Variants in PCCA observed in about 807,000 individuals in gnomAD.
The protein encoded by PCCA is propionyl-CoA carboxylase subunit alpha.
A neutral mutation model predicts 101.3 loss-of-function variants in PCCA; 74 were observed. The observed-to-expected ratio is 0.73, with a 90% confidence interval of 0.61 to 0.89. PCCA has a LOEUF of 0.89. Ranked by LOEUF, PCCA falls within the 40% of genes least tolerant of loss-of-function variation. The probability of loss-of-function intolerance (pLI) is 0.00; values close to 1 mark genes in which losing one functional copy is unlikely to be tolerated. For missense variants in PCCA, 891 were observed against 907.0 expected, an observed-to-expected ratio of 0.98 and a Z score of 0.23; for synonymous variants, 294 against 313.6, an observed-to-expected ratio of 0.94 and a Z score of 0.66.
intron 6 of PCCA, among the ~76,000 whole-genome samples, chr13:100,173,538 T>G (rs189669748): frequency 2.0e-5 from 3 of 152,328 alleles, no homozygotes; most frequent in Admixed American, 2.0e-4. Context: ...TAGACAAGTG[T>G]ATTTATCCTC....
intron 7 of PCCA, among the ~76,000 whole-genome samples, chr13:100,214,375 C>A (rs1406229250): frequency 1.3e-5 from 2 of 151,092 alleles, no homozygotes; most frequent in East Asian, 3.9e-4. Context: ...TCTTTTGTGT[C>A]CTTTTCAATT....
At chr13:100,326,577 C>T (rs1057189884) in intron 16 of PCCA, among the ~76,000 whole-genome samples, 5 of 152,108 alleles carry the variant, frequency 3.3e-5, no homozygotes, top group Admixed American at 6.6e-5. Context: ...AAAGTATATT[C>T]ATAAAGTTAT....
intron 4 of PCCA, among the ~76,000 whole-genome samples, chr13:100,143,422 C>G (rs2052135084): frequency 6.6e-6 from 1 of 151,514 alleles, no homozygotes; most frequent in South Asian, 2.1e-4. Flanking sequence ...GTAGTCCCAG[C>G]TACTTGGGAG....
chr13:100,218,262 G>T (rs2059628410), intron 7 of PCCA, among the ~76,000 whole-genome samples: 1 of 151,722 alleles, frequency 6.6e-6, no homozygotes, highest in Non-Finnish European at 1.5e-5. Flanking sequence ...TGCAACCTCT[G>T]CTGAGTTCAA....
At chr13:100,477,882 C>T (rs759564821) in intron 21 of PCCA, among the ~76,000 whole-genome samples, 2 of 152,210 alleles carry the variant, frequency 1.3e-5, no homozygotes, top group Non-Finnish European at 2.9e-5. Context: ...TTGAATGCAG[C>T]CCTTCTTGTC....
chr13:100,436,874 A>G (rs1413350115), intron 20 of PCCA, among the ~76,000 whole-genome samples: 1 of 152,080 alleles, frequency 6.6e-6, no homozygotes, highest in African/African-American at 2.4e-5. Flanking sequence ...CGAAATCCAT[A>G]CTCCATTAGT....
intron 1 of PCCA, among the ~76,000 whole-genome samples, chr13:100,099,864 AC>A (rs2047119705): frequency 6.6e-6 from 1 of 152,270 alleles, no homozygotes; most frequent in East Asian, 1.9e-4. Context: ...TCCCCAGTGT[AC>A]AAATGAAGAA....
intron 19 of PCCA, among the ~76,000 whole-genome samples, chr13:100,416,188 TG>T (rs1378909923): frequency 2.2e-4 from 34 of 151,374 alleles, no homozygotes; most frequent in African/African-American, 8.0e-4. Context: ...ACATAAATCA[TG>T]GTTTTTTTTT....
chr13:100,212,030 A>G (rs2059249500), intron 7 of PCCA, among the ~76,000 whole-genome samples: 1 of 152,108 alleles, frequency 6.6e-6, no homozygotes, highest in Non-Finnish European at 1.5e-5. Flanking sequence ...ATGAGCCACT[A>G]CACTTGGCCT....
At chr13:100,498,235 CAAAAAAAAA>C (rs34099057) in intron 21 of PCCA, among the ~76,000 whole-genome samples, 1 of 127,968 alleles carries the variant, frequency 7.8e-6, no homozygotes, top group Non-Finnish European at 1.7e-5. Context: ...GTAGGTTAGC[CAAAAAAAAA>C]AAAAAAAATT....
chr13:100,256,332 T>G (rs1461674406), intron 8 of PCCA, among the ~76,000 whole-genome samples: 1 of 152,156 alleles, frequency 6.6e-6, no homozygotes, highest in African/African-American at 2.4e-5. Context: ...AATACACTTT[T>G]CTTAATTATT....
intron 12 of PCCA, among the ~76,000 whole-genome samples, chr13:100,292,934 C>CGTGT (rs36098330): frequency 0.019 from 2,767 of 147,534 alleles, 43 homozygotes; most frequent in African/African-American, 0.025. Flanking sequence ...TTTCCAAATT[C>CGTGT]GTGTGTGTGT....
intron 6 of PCCA, among the ~76,000 whole-genome samples, chr13:100,159,190 T>A (rs2152390882): frequency 6.8e-6 from 1 of 147,154 alleles, no homozygotes; most frequent in Non-Finnish European, 1.5e-5. Flanking sequence ...GTCTCCTGGG[T>A]TCAAGCTATT....
intron 7 of PCCA, among the ~76,000 whole-genome samples, chr13:100,234,439 T>G (rs529819057): frequency 6.6e-6 from 1 of 151,856 alleles, no homozygotes; most frequent in Admixed American, 6.6e-5. Flanking sequence ...AATTGTTATT[T>G]GGAAAATCTC....
intron 18 of PCCA, among the ~76,000 whole-genome samples, chr13:100,353,217 G>A (rs1341767010): frequency 6.6e-6 from 1 of 152,132 alleles, no homozygotes; most frequent in Non-Finnish European, 1.5e-5. Context: ...AGAACAACTA[G>A]AGAGAATATC....
chr13:100,243,665 C>T (rs748379756), intron 8 of PCCA, among the ~76,000 whole-genome samples: 1 of 152,104 alleles, frequency 6.6e-6, no homozygotes, highest in African/African-American at 2.4e-5. Context: ...TTTACTGAAC[C>T]TTATTGCCTT....
chr13:100,151,987 A>G (rs988088839), intron 4 of PCCA, among the ~76,000 whole-genome samples: 1 of 151,828 alleles, frequency 6.6e-6, no homozygotes, highest in African/African-American at 2.4e-5. Flanking sequence ...TTTGTTTTGT[A>G]TTATTAAGCC....
intron 4 of PCCA, among the ~76,000 whole-genome samples, chr13:100,123,392 G>T (rs997636873): frequency 6.6e-6 from 1 of 152,164 alleles, no homozygotes; most frequent in Non-Finnish European, 1.5e-5. Context: ...ATCTCTGGTG[G>T]TTGGTTAAAT....
chr13:100,210,050 G>A (rs551813529), intron 7 of PCCA, among the ~76,000 whole-genome samples: 383 of 152,098 alleles, frequency 2.5e-3, no homozygotes, highest in Middle Eastern at 6.8e-3. Flanking sequence ...GAACTCTTAG[G>A]CTCAAATGAT....
Sources: allele counts gnomAD v4.1 joint callset (sites outside exome capture counted in the v4.1 genomes callset), GRCh38; gene constraint gnomAD v4.1.1; transcripts MANE v1.5; gene names NCBI Gene and HGNC (gene_info 2026-07-23, HGNC 2026-07-21).